The following CUBN variants were observed in gnomAD, a reference collection of about 807,000 sequenced individuals.
CUBN encodes the protein cubilin.
CUBN carries 282 observed loss-of-function variants against 405.3 expected under a neutral mutation model. The ratio of observed to expected loss-of-function variants is 0.70; its 90% CI spans 0.63 to 0.77. CUBN has a LOEUF of 0.77. Ranked by LOEUF, CUBN falls within the 30% of genes least tolerant of loss-of-function variation. The pLI is 0.00. For missense variants in CUBN, 4,514 were observed against 4,475.2 expected, an observed-to-expected ratio of 1.01 and a Z score of -0.25; for synonymous variants, 1,684 against 1,617.0, an observed-to-expected ratio of 1.04 and a Z score of -0.99.
intron 54 of CUBN, among the ~76,000 whole-genome samples, chr10:16,898,098 T>C (rs1449917842): frequency 6.8e-6 from 1 of 146,462 alleles, no homozygotes; most frequent in East Asian, 1.9e-4. Flanking sequence ...GTTATACACA[T>C]ATGAGATTTT....
At position 16,996,843 on chromosome 10, in the gene CUBN, A is replaced by G. The variant is rs377600170; in HGVS notation, c.4169-6328T>C. Among the ~76,000 whole-genome samples the G allele has an allele frequency of 2.6e-5, 4 of 152,230 alleles. No homozygotes were observed. In the East Asian group the frequency reaches 5.8e-4, roughly 22 times the overall value. On this transcript the variant is annotated intron_variant, in intron 28 of 66. Coordinates refer to ENST00000377833, the MANE Select transcript of CUBN (RefSeq NM_001081.4). ...ATGGCTAAAGCCCAAAGAGGATGGC[A>G]GAAAAGGAAGAGAGAAGTGATTCAT...
Position 16,925,630 on chromosome 10 carries a change from T to C in CUBN, c.6416A>G (p.Gln2139Arg), listed in dbSNP as rs1299400534. 6.2e-7 allele frequency: 1 copy of C among 1,614,046 alleles called. No homozygotes were observed. The highest frequency in any genetic ancestry group is 1.7e-5 in the Admixed American group (1 of 60,000). ...GCAAGAAGAATCTCCATTTGGAATC[T>C]GGAAAGGCTGTTCAAAATGGACAGC... The part of the protein sequence containing the change: ...TIAVHFEQPF[Q>R]IPNGDSSCNQ... The change falls in exon 42 of 67, where the codon CAG becomes CGG. Residue 2139 changes from glutamine to arginine, a missense_variant. Coordinates refer to ENST00000377833, the MANE Select transcript of CUBN (RefSeq NM_001081.4).
Position 16,947,329 on chromosome 10 carries a change from T to C in CUBN, c.5248A>G (p.Asn1750Asp). 6.2e-7 allele frequency: 1 copy of C among 1,614,066 alleles called. No homozygotes were observed. Among genetic ancestry groups the C allele is most frequent in the Non-Finnish European group, 8.5e-7 (1 of 1,179,978 alleles). ...GTFYMAEGIF[N>D]SPGYPDIYPP... ...TAAATGTCTGGGTAGCCAGGGCTGTTGAAGATGCCTTCAGCCATGTAGAAC... is the reference window on the plus strand; with the variant it reads ...TAAATGTCTGGGTAGCCAGGGCTGTCGAAGATGCCTTCAGCCATGTAGAAC... The change falls in exon 36 of 67, where the codon AAC becomes GAC. Residue 1750 changes from asparagine (N) to aspartate (D), a missense_variant. Asn to Asp is a conservative substitution (Grantham distance 23). Around this residue, in one of 5 missense-constraint regions of CUBN, gnomAD observed 1,613 missense variants for 1,542.8 expected, o/e 1.05. Transcript: ENST00000377833.
intron 14 of CUBN, among the ~76,000 whole-genome samples, chr10:17,094,154 A>G (rs1836323443): frequency 6.6e-6 from 1 of 152,090 alleles, no homozygotes; most frequent in African/African-American, 2.4e-5. Flanking sequence ...TAAACACACA[A>G]TAAAAGCAGT....
At chr10:16,845,221 G>T (rs11254243) in intron 60 of CUBN, among the ~76,000 whole-genome samples, 1 of 152,318 alleles carries the variant, frequency 6.6e-6, no homozygotes, top group East Asian at 1.9e-4. Context: ...ATGCACAAGG[G>T]CAATAGACTT....
rs545973647 is a variant in CUBN at position 17,017,056 on chromosome 10, C to T, written c.4168+2777G>A. On this transcript the variant is annotated intron_variant, in intron 28 of 66. Transcript: ENST00000377833. ...TGAGCCACCTCTTTTTCAGGGTTTG[C>T]GGGTCAAATTGGTCCCAATGGCTTA... Among the ~76,000 whole-genome samples the T allele has an allele frequency of 1.3e-4, 20 of 152,182 alleles. No homozygotes were observed. The Middle Eastern group carries it at 0.014, about 104-fold the overall frequency.
At chr10:17,029,688 CA>C (rs1437928153) in intron 27 of CUBN, among the ~76,000 whole-genome samples, 33 of 152,218 alleles carry the variant, frequency 2.2e-4, no homozygotes, top group Non-Finnish European at 2.9e-5. Context: ...CTCTGACAGA[CA>C]GTTCCAGGAA....
At chr10:16,974,846 C>T (rs1172557922) in intron 31 of CUBN, among the ~76,000 whole-genome samples, 1 of 152,150 alleles carries the variant, frequency 6.6e-6, no homozygotes, top group Non-Finnish European at 1.5e-5. Context: ...TCAACTTCCA[C>T]TTAATAAATA....
chr10:17,124,989 G>A (rs1275721950), intron 4 of CUBN, among the ~76,000 whole-genome samples: 5 of 151,730 alleles, frequency 3.3e-5, no homozygotes, highest in African/African-American at 7.3e-5. Context: ...GTCCCACTAC[G>A]CCTGGCTAAT....
chr10:17,048,479 T>C (rs546909449), intron 22 of CUBN, among the ~76,000 whole-genome samples: 7 of 152,062 alleles, frequency 4.6e-5, no homozygotes, highest in Admixed American at 3.3e-4. Flanking sequence ...AATGCTTTTG[T>C]TTTTGTTTTT....
chr10:16,849,978 T>C (rs1839636671), intron 60 of CUBN, among the ~76,000 whole-genome samples: 1 of 152,270 alleles, frequency 6.6e-6, no homozygotes, highest in South Asian at 2.1e-4. Context: ...TCTTATTTCT[T>C]GCTACTCTTT....
rs540957233 is a variant in CUBN at position 17,004,120 on chromosome 10, T to G, written c.4169-13605A>C. Among the ~76,000 whole-genome samples the G allele has an allele frequency of 5.3e-5, 8 of 152,342 alleles. No individual in the cohort carries two copies. The South Asian group carries it at 1.4e-3, about 28-fold the overall frequency. On this transcript the variant is annotated intron_variant, in intron 28 of 66. Transcript: ENST00000377833. ...CTGTCATTTCTTGTCCTGATCATTC[T>G]TCAAGGGCTCTAAAATCTCACAGAG...
In CUBN at chr10:16,916,005, C is replaced by T. The variant is rs370800945; in HGVS notation, c.7026G>A (p.Gly2342=). Reference sequence around the variant, plus strand: ...CAATGCTTTCAACAACACCACTTTGCCCTGGTACTCTTCCCCCACACTGAG... The same window carrying T: ...CAATGCTTTCAACAACACCACTTTGTCCTGGTACTCTTCCCCCACACTGAG... ...SIAQCGGRVP[G]QSGVVESIGH... is the part of the protein sequence containing the mutation. Residue 2342 remains glycine, a synonymous_variant, in exon 46 of 67, where the codon GGG becomes GGA. Coordinates refer to ENST00000377833, the MANE Select transcript of CUBN (RefSeq NM_001081.4). The T allele has an allele frequency of 2.5e-6, 4 of 1,613,796 alleles. No individual in the cohort carries two copies. In the African/African-American group the frequency reaches 5.3e-5, roughly 22 times the overall value.
intron 19 of CUBN, among the ~76,000 whole-genome samples, chr10:17,069,043 AAT>A (rs1301790957): frequency 1.3e-5 from 2 of 152,150 alleles, no homozygotes; most frequent in Non-Finnish European, 2.9e-5. Flanking sequence ...GGGATTATAC[AAT>A]ATGGGGTCTT....
chr10:16,905,025 G>A (rs940111774), intron 50 of CUBN, among the ~76,000 whole-genome samples: 1 of 152,106 alleles, frequency 6.6e-6, no homozygotes, highest in East Asian at 1.9e-4. Context: ...AAATTCTGTC[G>A]CTCACGTTCT....
chr10:17,090,129 A>T (rs529802759), intron 14 of CUBN, among the ~76,000 whole-genome samples: 1 of 152,244 alleles, frequency 6.6e-6, no homozygotes, highest in Non-Finnish European at 1.5e-5. Context: ...AAAGGACTGG[A>T]AACAAGCCAA....
rs188905996 is a variant in CUBN, at chr10:17,072,621, C to T, written c.2302-650G>A. 3.2e-3 allele frequency among the ~76,000 whole-genome samples: 489 copies of T among 152,062 alleles called. 2 individuals carry two copies. The highest frequency in any genetic ancestry group is 5.6e-3 in the Non-Finnish European group (381 of 67,976). Reference sequence around the variant, plus strand: ...GAATACAGTAAAAAGAAGAGCAAAACTTAATAAATGAAATACAAAATCATG... The same window carrying T: ...GAATACAGTAAAAAGAAGAGCAAAATTTAATAAATGAAATACAAAATCATG... On this transcript the variant is annotated intron_variant, in intron 17 of 66. Transcript: ENST00000377833.
intron 63 of CUBN, 143 bp from the exon 64 acceptor site, chr10:16,835,338 A>C: frequency 1.3e-6 from 1 of 769,524 alleles, no homozygotes; most frequent in South Asian, 1.6e-5. Flanking sequence ...CCTTTGAGAT[A>C]ATTGAGACCC....
At chr10:17,102,259 ATTTATTTAT>A in intron 13 of CUBN, among the ~76,000 whole-genome samples, 2 of 48,994 alleles carry the variant, frequency 4.1e-5, no homozygotes, top group Non-Finnish European at 9.2e-5. Flanking sequence ...CCTCCTATTT[ATTTATTTAT>A]TTATTTATTT....
Sources: allele counts gnomAD v4.1 joint callset (sites outside exome capture counted in the v4.1 genomes callset), GRCh38; gene constraint gnomAD v4.1.1; regional missense constraint gnomAD v4.1.1; transcripts MANE v1.5; gene names NCBI Gene and HGNC (gene_info 2026-07-23, HGNC 2026-07-21).